The following TASP1 variants were observed in gnomAD, a reference collection of about 807,000 sequenced individuals.
The protein encoded by TASP1 is taspase 1, also known as threonine aspartase 1.
Under a neutral mutation model 56.6 loss-of-function variants are expected in TASP1, and 16 were observed. That is an observed-to-expected ratio of 0.28 (90% confidence interval 0.19 to 0.43). The LOEUF is 0.43. TASP1 is among the 20% of genes least tolerant of loss of function. TASP1 has a pLI of 1.00. For synonymous variants in TASP1, 179 were observed against 184.2 expected (o/e 0.97, Z 0.23); for missense variants, 393 against 511.6 (o/e 0.77, Z 2.24).
chr20:13,205,952 C>T, the TASP1 span, among the ~76,000 whole-genome samples: 3 of 152,210 alleles, frequency 2.0e-5, no homozygotes, highest in Non-Finnish European at 4.4e-5. Context: ...ACCCTCTCCT[C>T]CTGTCTGTCA....
the TASP1 span, among the ~76,000 whole-genome samples, chr20:13,306,564 C>CAAAAAAAAA: frequency 6.7e-4 from 43 of 63,906 alleles, no homozygotes; most frequent in African/African-American, 1.3e-3. Context: ...GGAGAAAGGA[C>CAAAAAAAAA]AAAAAAAAAA....
At chr20:13,405,299 G>A (rs1329635941) in intron 13 of TASP1, among the ~76,000 whole-genome samples, 5 of 152,178 alleles carry the variant, frequency 3.3e-5, no homozygotes, top group Non-Finnish European at 7.3e-5. Context: ...TTTAAAGTAC[G>A]TAAGCAGTTA....
intron 11 of TASP1, among the ~76,000 whole-genome samples, chr20:13,466,971 TG>T (rs1402966744): frequency 6.6e-6 from 1 of 152,046 alleles, no homozygotes; most frequent in African/African-American, 2.4e-5. Context: ...GCCACAAAAA[TG>T]ACTTCAAAAG....
chr20:13,396,403 T>C (rs1476507156), intron 13 of TASP1, among the ~76,000 whole-genome samples: 1 of 152,208 alleles, frequency 6.6e-6, no homozygotes, highest in Admixed American at 6.5e-5. Context: ...TAATATAGTC[T>C]AGAATAATGT....
chr20:13,494,551 T>C (rs2043652630), intron 10 of TASP1, among the ~76,000 whole-genome samples: 1 of 152,128 alleles, frequency 6.6e-6, no homozygotes, highest in African/African-American at 2.4e-5. Context: ...TCTGGGGCTT[T>C]AGAATTATCT....
intron 11 of TASP1, among the ~76,000 whole-genome samples, chr20:13,449,418 G>A (rs1310245380): frequency 1.3e-5 from 2 of 152,182 alleles, no homozygotes; most frequent in Non-Finnish European, 1.5e-5. Context: ...CTTTTACTTT[G>A]TGTGGTCAGA....
At chr20:13,262,116 T>C in the TASP1 span, among the ~76,000 whole-genome samples, 1 of 152,216 alleles carries the variant, frequency 6.6e-6, no homozygotes, top group Non-Finnish European at 1.5e-5. Flanking sequence ...CCACTCTGTT[T>C]TCTTTGCCGG....
At chr20:13,247,197 C>T in the TASP1 span, among the ~76,000 whole-genome samples, 1 of 151,998 alleles carries the variant, frequency 6.6e-6, no homozygotes, top group Non-Finnish European at 1.5e-5. Flanking sequence ...CACCATTGCA[C>T]TCCAGCCTGG....
At chr20:13,409,687 C>T (rs1157027913) in intron 13 of TASP1, among the ~76,000 whole-genome samples, 1 of 151,766 alleles carries the variant, frequency 6.6e-6, no homozygotes, top group Non-Finnish European at 1.5e-5. Context: ...AACTGACATA[C>T]TAATCATTTT....
intron 11 of TASP1, among the ~76,000 whole-genome samples, chr20:13,463,978 T>C (rs113368704): frequency 0.059 from 8,926 of 152,174 alleles, 373 homozygotes; most frequent in African/African-American, 0.12. Flanking sequence ...TACCATACAA[T>C]CCAGGAATTC....
At chr20:13,327,887 T>C in the TASP1 span, among the ~76,000 whole-genome samples, 44 of 152,294 alleles carry the variant, frequency 2.9e-4, 1 homozygote, top group East Asian at 7.7e-3. Flanking sequence ...ATTCAGGACA[T>C]AGGCATGGGC....
intron 11 of TASP1, among the ~76,000 whole-genome samples, chr20:13,447,973 C>T (rs981519668): frequency 7.9e-5 from 12 of 152,138 alleles, no homozygotes; most frequent in Non-Finnish European, 1.5e-4. Context: ...GTTTTTAATG[C>T]TTATGTAATC....
chr20:13,393,070 T>A, intron 13 of TASP1: 1 of 599,112 alleles, frequency 1.7e-6, no homozygotes, highest in South Asian at 1.6e-5. Flanking sequence ...CATGTTTATA[T>A]AGGCATGAAC....
intron 6 of TASP1, among the ~76,000 whole-genome samples, chr20:13,570,584 G>A (rs1280263514): frequency 6.6e-6 from 1 of 151,992 alleles, no homozygotes; most frequent in Non-Finnish European, 1.5e-5. Context: ...GAAACCAAAT[G>A]GTTAATCTCA....
At chr20:13,609,430 T>A (rs1243771045) in intron 4 of TASP1, among the ~76,000 whole-genome samples, 1 of 152,126 alleles carries the variant, frequency 6.6e-6, no homozygotes, top group Admixed American at 6.5e-5. Context: ...ACACCTGTAA[T>A]CCCAGCACTT....
At chr20:13,285,682 A>G in the TASP1 span, among the ~76,000 whole-genome samples, 1 of 152,248 alleles carries the variant, frequency 6.6e-6, no homozygotes, top group Non-Finnish European at 1.5e-5. Flanking sequence ...CCGAGAGGGG[A>G]GTAGCCAAGG....
At chr20:13,262,720 A>T in the TASP1 span, among the ~76,000 whole-genome samples, 2 of 152,320 alleles carry the variant, frequency 1.3e-5, no homozygotes, top group African/African-American at 4.8e-5. Flanking sequence ...AAGACACACC[A>T]GTGAAGTGTT....
At chr20:13,265,780 G>C in the TASP1 span, among the ~76,000 whole-genome samples, 30,320 of 151,962 alleles carry the variant, frequency 0.2, 3,500 homozygotes, top group East Asian at 0.45. Context: ...AATCCCAAGA[G>C]GGCACATTGC....
At chr20:13,632,411 A>G (rs991337398) in intron 1 of TASP1, among the ~76,000 whole-genome samples, 2 of 151,934 alleles carry the variant, frequency 1.3e-5, no homozygotes, top group African/African-American at 4.8e-5. Context: ...AAAAGAAAAT[A>G]CAAACATAAT....
Sources: gnomAD v4.1 joint callset for allele counts (sites outside exome capture counted in the v4.1 genomes callset) on GRCh38, gnomAD v4.1.1 for gene constraint, MANE v1.5 for transcripts, NCBI Gene and HGNC (gene_info 2026-07-23, HGNC 2026-07-21) for gene names.